The following SH3GL2 variants were observed in gnomAD, a reference collection of about 807,000 sequenced individuals.
SH3GL2 encodes the protein SH3 domain containing GRB2 like 2, endophilin A1, also known as endophilin-A1.
SH3GL2 carries 24 observed loss-of-function variants against 46.0 expected under a neutral mutation model. That is an observed-to-expected ratio of 0.52 (90% CI 0.38 to 0.73). The LOEUF is 0.73. SH3GL2 is among the 30% of genes least tolerant of loss of function. SH3GL2 has a pLI of 0.00. For synonymous variants in SH3GL2, 196 were observed against 147.1 expected, an observed-to-expected ratio of 1.33 and a Z score of -2.40; for missense variants, 413 against 424.2, an observed-to-expected ratio of 0.97 and a Z score of 0.23.
intron 1 of SH3GL2, among the ~76,000 whole-genome samples, chr9:17,680,432 A>G (rs1167013004): frequency 6.6e-6 from 1 of 152,096 alleles, no homozygotes; most frequent in African/African-American, 2.4e-5. Context: ...TGTTTATAGT[A>G]TTCTCTGATG....
rs373855188 is a variant in SH3GL2 at position 17,734,987 on chromosome 9, C to T, written c.46-12079C>T. The stretch of plus-strand genomic sequence containing the variant: ...TGATATCTTTACAAAGTAATGCATT[C>T]TTCTTTCCCCTACATTCCAGAACTA... On this transcript the variant is annotated intron_variant, in intron 1 of 8. Coordinates refer to ENST00000380607, the MANE Select transcript of SH3GL2 (RefSeq NM_003026.5). Among the ~76,000 whole-genome samples, 126 of 152,240 alleles carry T rather than the reference C, an allele frequency of 8.3e-4. 1 individual carries two copies. Among genetic ancestry groups the T allele is most frequent in the African/African-American group, 2.7e-3 (114 of 41,556 alleles).
At chr9:17,771,270 A>G (rs914796660) in intron 3 of SH3GL2, among the ~76,000 whole-genome samples, 2 of 152,176 alleles carry the variant, frequency 1.3e-5, no homozygotes, top group African/African-American at 4.8e-5. Flanking sequence ...CAGGGAGTAT[A>G]GGTCAGTCCA....
chr9:17,663,453 C>T (rs1280901232), intron 1 of SH3GL2, among the ~76,000 whole-genome samples: 1 of 152,136 alleles, frequency 6.6e-6, no homozygotes, highest in Non-Finnish European at 1.5e-5. Flanking sequence ...GAAATTTTAA[C>T]ACACATACTC....
chr9:17,709,358 C>T (rs1238869546), intron 1 of SH3GL2, among the ~76,000 whole-genome samples: 2 of 151,950 alleles, frequency 1.3e-5, no homozygotes, highest in African/African-American at 2.4e-5. Context: ...TTCCTAATCG[C>T]AGATGTAAGA....
intron 3 of SH3GL2, among the ~76,000 whole-genome samples, chr9:17,764,132 G>T (rs1276815549): frequency 2.0e-5 from 3 of 152,110 alleles, no homozygotes; most frequent in Admixed American, 2.0e-4. Flanking sequence ...GAACAATGAA[G>T]GCCATTACAG....
At chr9:17,734,851 A>T (rs1023955497) in intron 1 of SH3GL2, among the ~76,000 whole-genome samples, 3 of 152,144 alleles carry the variant, frequency 2.0e-5, no homozygotes, top group Admixed American at 6.6e-5. Context: ...TCTTTTTGGT[A>T]TGATGAAAGC....
intron 1 of SH3GL2, among the ~76,000 whole-genome samples, chr9:17,636,301 T>A (rs1369409179): frequency 6.6e-6 from 1 of 151,806 alleles, no homozygotes; most frequent in Non-Finnish European, 1.5e-5. Flanking sequence ...GTAAAGGTAA[T>A]GGATGAATGG....
intron 3 of SH3GL2, among the ~76,000 whole-genome samples, chr9:17,761,821 A>G (rs1429999971): frequency 6.6e-6 from 1 of 152,238 alleles, no homozygotes; most frequent in East Asian, 1.9e-4. Context: ...TGAACTTTCA[A>G]GAGATGGTAA....
intron 1 of SH3GL2, among the ~76,000 whole-genome samples, chr9:17,666,808 A>T (rs1051537862): frequency 1.3e-5 from 2 of 152,070 alleles, no homozygotes; most frequent in Non-Finnish European, 2.9e-5. Flanking sequence ...AGGTAAATGT[A>T]AGTACTTTTG....
intron 1 of SH3GL2, among the ~76,000 whole-genome samples, chr9:17,610,516 A>G (rs180850094): frequency 2.0e-5 from 3 of 152,350 alleles, no homozygotes; most frequent in Admixed American, 2.0e-4. Flanking sequence ...AATGACTAAG[A>G]TCATTGTTTA....
chr9:17,670,061 C>A (rs1326107285), intron 1 of SH3GL2, among the ~76,000 whole-genome samples: 2 of 152,110 alleles, frequency 1.3e-5, no homozygotes, highest in Non-Finnish European at 2.9e-5. Flanking sequence ...GCATAGGGTG[C>A]AAATCTCTGG....
intron 1 of SH3GL2, among the ~76,000 whole-genome samples, chr9:17,711,022 T>A (rs1341387480): frequency 6.6e-6 from 1 of 151,946 alleles, no homozygotes; most frequent in African/African-American, 2.4e-5. Flanking sequence ...AGAATGACTG[T>A]GGGTAACTGA....
At chr9:17,631,140 A>C (rs1316412412) in intron 1 of SH3GL2, among the ~76,000 whole-genome samples, 1 of 152,170 alleles carries the variant, frequency 6.6e-6, no homozygotes, top group African/African-American at 2.4e-5. Flanking sequence ...AAAAACCCGC[A>C]ATTATTTTTG....
At chr9:17,678,049 T>C (rs1820660189) in intron 1 of SH3GL2, among the ~76,000 whole-genome samples, 1 of 152,216 alleles carries the variant, frequency 6.6e-6, no homozygotes, top group Admixed American at 6.5e-5. Context: ...TTGGGTTGGT[T>C]CCAAGTCTTT....
chr9:17,772,407 C>T (rs1028540636), intron 3 of SH3GL2, among the ~76,000 whole-genome samples: 25 of 152,254 alleles, frequency 1.6e-4, no homozygotes, highest in African/African-American at 6.0e-4. Context: ...TAAATACATT[C>T]ATAATGTTGC....
At chr9:17,726,357 G>C (rs958176864) in intron 1 of SH3GL2, among the ~76,000 whole-genome samples, 2 of 152,264 alleles carry the variant, frequency 1.3e-5, no homozygotes, top group Middle Eastern at 3.4e-3. Context: ...TAATATGAAT[G>C]CTACTTCATA....
In SH3GL2 at chr9:17,579,146, A is replaced by T; in HGVS notation, c.-97A>T. The T allele has an allele frequency of 1.2e-6, 1 of 809,214 alleles. No homozygotes were observed. Among genetic ancestry groups the T allele is most frequent in the Non-Finnish European group, 1.8e-6 (1 of 556,408 alleles). 50.1% of individuals were successfully genotyped at this position (809,214 alleles called of 1,614,324 possible). A position where few individuals can be genotyped will look rare whatever the true frequency, so the allele number is the denominator to read the frequency against. On this transcript the variant is annotated 5_prime_UTR_variant, in exon 1 of 9. Coordinates refer to ENST00000380607, the MANE Select transcript of SH3GL2 (RefSeq NM_003026.5). Reference sequence around the variant, plus strand: ...CCATAGCCCCGGCGGCGGCACGACCAGAGGCGGCCAGGGGAGCGCGCCGCC... The same window carrying T: ...CCATAGCCCCGGCGGCGGCACGACCTGAGGCGGCCAGGGGAGCGCGCCGCC...
Position 17,737,648 on chromosome 9 carries a change from C to T in SH3GL2, c.46-9418C>T, listed in dbSNP as rs369869694. 2.2e-4 allele frequency among the ~76,000 whole-genome samples: 33 copies of T among 152,210 alleles called. 1 individual carries two copies. In the South Asian group the frequency reaches 6.6e-3, roughly 31 times the overall value. On this transcript the variant is annotated intron_variant, in intron 1 of 8. Transcript: ENST00000380607. ...GGGAAACTTCTTTGACTGTTATGAC[C>T]TCTTTCTTTCCTGATTATCCCTTTA...
At chr9:17,731,225 C>T (rs1245990946) in intron 1 of SH3GL2, among the ~76,000 whole-genome samples, 1 of 152,052 alleles carries the variant, frequency 6.6e-6, no homozygotes, top group East Asian at 1.9e-4. Context: ...ATGTTTCTCC[C>T]TGCTATGGAC....
Sources: allele counts gnomAD v4.1 joint callset (sites outside exome capture counted in the v4.1 genomes callset), GRCh38; gene constraint gnomAD v4.1.1; transcripts MANE v1.5; gene names NCBI Gene and HGNC (gene_info 2026-07-23, HGNC 2026-07-21).